CSMD1: variants seen among roughly 807,000 people sequenced by gnomAD.
CSMD1 encodes CUB and sushi domain-containing protein 1.
A neutral mutation model predicts 417.5 loss-of-function variants in CSMD1; 213 were observed. The ratio of observed to expected loss-of-function variants is 0.51; its 90% confidence interval spans 0.46 to 0.57. CSMD1 has a LOEUF of 0.57. CSMD1 is among the 20% of genes least tolerant of loss of function. CSMD1 has a pLI of 0.00. For missense variants in CSMD1, 6,923 were observed against 4,529.7 expected (o/e 1.53, Z -15.17); for synonymous variants, 2,862 against 1,736.8 (o/e 1.65, Z -16.11).
In CSMD1 at chr8:3,821,718, G is replaced by A. The variant is rs549871374; in HGVS notation, c.819-67676C>T. Among the ~76,000 whole-genome samples the A allele has an allele frequency of 2.6e-5, 4 of 152,246 alleles. No homozygotes were observed. The South Asian group carries it at 8.3e-4, about 32-fold the overall frequency. The stretch of plus-strand genomic sequence containing the variant: ...AACTGCTTGAACCCAGGAGCGGGAG[G>A]TTGCAGTGAGTTGAAATCGCACCAC... On this transcript the variant is annotated intron_variant, in intron 5 of 69. Coordinates refer to ENST00000635120, the MANE Select transcript of CSMD1 (RefSeq NM_033225.6).
In CSMD1 at chr8:3,181,629, C is replaced by G. The variant is rs567887484; in HGVS notation, c.5621-415G>C. ...CCTGTGGATAGTGATCTGACATATC[C>G]TTCAGAAGACGTTGCTTTTGACCCT... On this transcript the variant is annotated intron_variant, in intron 36 of 69. Coordinates refer to ENST00000635120, the MANE Select transcript of CSMD1 (RefSeq NM_033225.6). Among the ~76,000 whole-genome samples, 14 of 152,260 alleles carry G rather than the reference C, an allele frequency of 9.2e-5. No individual in the cohort carries two copies. In the East Asian group the frequency reaches 2.7e-3, roughly 29 times the overall value.
chr8:4,430,853 C>A (rs995527149), intron 2 of CSMD1, among the ~76,000 whole-genome samples: 3 of 152,092 alleles, frequency 2.0e-5, no homozygotes, highest in Non-Finnish European at 4.4e-5. Context: ...AGTGTTGTCC[C>A]CTCCACTCTT....
At chr8:3,343,221 T>A in intron 23 of CSMD1, 73 bp downstream of exon 23, 1 of 1,343,230 alleles carries the variant, frequency 7.4e-7, no homozygotes, top group Non-Finnish European at 1.0e-6. Context: ...TATTTAAAAC[T>A]TAATATAAGC....
At chr8:4,273,839 A>T (rs1212922005) in intron 3 of CSMD1, among the ~76,000 whole-genome samples, 1 of 152,156 alleles carries the variant, frequency 6.6e-6, no homozygotes, top group South Asian at 2.1e-4. Context: ...ATGGTTGTGA[A>T]GGTGAAATGA....
chr8:4,891,984 A>C (rs553724765), intron 1 of CSMD1, among the ~76,000 whole-genome samples: 1 of 152,214 alleles, frequency 6.6e-6, no homozygotes, highest in East Asian at 1.9e-4. Context: ...AAGAGGTAAG[A>C]CCAAAATAGC....
At chr8:4,262,950 G>A (rs1446671964) in intron 3 of CSMD1, among the ~76,000 whole-genome samples, 1 of 152,118 alleles carries the variant, frequency 6.6e-6, no homozygotes, top group Non-Finnish European at 1.5e-5. Context: ...GTTCAGCCAA[G>A]GAAACTGAGT....
chr8:3,841,600 G>A (rs180674905), intron 5 of CSMD1, among the ~76,000 whole-genome samples: 182 of 151,928 alleles, frequency 1.2e-3, no homozygotes, highest in African/African-American at 4.2e-3. Context: ...GCACTAGAAA[G>A]GATTTTAGAA....
intron 3 of CSMD1, among the ~76,000 whole-genome samples, chr8:4,039,601 T>A (rs1251575853): frequency 6.6e-6 from 1 of 152,122 alleles, no homozygotes; most frequent in Non-Finnish European, 1.5e-5. Context: ...AAAAGTCTCA[T>A]TCTCCAGGAT....
At chr8:4,470,056 G>A (rs925230801) in intron 2 of CSMD1, among the ~76,000 whole-genome samples, 2 of 151,896 alleles carry the variant, frequency 1.3e-5, no homozygotes, top group African/African-American at 4.8e-5. Context: ...ATTTTTAGTA[G>A]AGATGGGGTT....
chr8:3,922,639 T>G (rs1402622470), intron 5 of CSMD1, among the ~76,000 whole-genome samples: 2 of 152,170 alleles, frequency 1.3e-5, no homozygotes, highest in African/African-American at 4.8e-5. Flanking sequence ...AAATGTAAAT[T>G]TGGTCACATA....
At chr8:4,361,743 C>T (rs1163535884) in intron 3 of CSMD1, among the ~76,000 whole-genome samples, 1 of 151,618 alleles carries the variant, frequency 6.6e-6, no homozygotes, top group African/African-American at 2.4e-5. Flanking sequence ...ATCACGAGGT[C>T]AGGAGATCGA....
chr8:3,181,672 G>A (rs1183724533), intron 36 of CSMD1, among the ~76,000 whole-genome samples: 3 of 152,130 alleles, frequency 2.0e-5, no homozygotes, highest in East Asian at 3.9e-4. Context: ...TGCTCTTCCT[G>A]ATCCCTATGT....
intron 2 of CSMD1, among the ~76,000 whole-genome samples, chr8:4,536,672 T>C (rs984818909): frequency 6.6e-6 from 1 of 152,244 alleles, no homozygotes; most frequent in African/African-American, 2.4e-5. Context: ...TGTTATTTAT[T>C]TATACTTTTA....
At position 4,329,885 on chromosome 8, in the gene CSMD1, C is replaced by T. The variant is rs572845161; in HGVS notation, c.415+90068G>A. On this transcript the variant is annotated intron_variant, in intron 3 of 69. Transcript: ENST00000635120. ...ACACACACACACACAGACACACACACTCTTTCTCTCTTGTTCCTGCTCTGG... is the reference window on the plus strand; with the variant it reads ...ACACACACACACACAGACACACACATTCTTTCTCTCTTGTTCCTGCTCTGG... 2.0e-5 allele frequency among the ~76,000 whole-genome samples: 3 copies of T among 151,986 alleles called. No homozygotes were observed. In the South Asian group the frequency reaches 6.2e-4, roughly 32 times the overall value.
chr8:3,930,429 A>C (rs746022830), intron 5 of CSMD1, among the ~76,000 whole-genome samples: 1 of 150,688 alleles, frequency 6.6e-6, no homozygotes, highest in Non-Finnish European at 1.5e-5. Context: ...CATTAGGTCA[A>C]AGCCTGTTCT....
At chr8:4,929,083 A>C (rs899520133) in intron 1 of CSMD1, among the ~76,000 whole-genome samples, 3 of 152,118 alleles carry the variant, frequency 2.0e-5, no homozygotes, top group Non-Finnish European at 2.9e-5. Flanking sequence ...ACAACAACAA[A>C]AAAAGGCCTT....
chr8:4,363,975 T>A (rs1435399931), intron 3 of CSMD1, among the ~76,000 whole-genome samples: 3 of 152,120 alleles, frequency 2.0e-5, no homozygotes, highest in Non-Finnish European at 4.4e-5. Context: ...AGACCTACTT[T>A]TTGCTAGCAT....
chr8:4,718,960 C>T (rs1808865420), intron 1 of CSMD1, among the ~76,000 whole-genome samples: 1 of 151,544 alleles, frequency 6.6e-6, no homozygotes, highest in Non-Finnish European at 1.5e-5. Flanking sequence ...TGAGAACGTT[C>T]ATTATATATT....
At chr8:3,493,903 A>G (rs1018659706) in intron 10 of CSMD1, among the ~76,000 whole-genome samples, 177 bp from the exon 11 acceptor site, 2 of 152,340 alleles carry the variant, frequency 1.3e-5, no homozygotes, top group Non-Finnish European at 2.9e-5. Context: ...ATAGCCTGGC[A>G]TTATAGAATT....
Sources: gnomAD v4.1 joint callset for allele counts (sites outside exome capture counted in the v4.1 genomes callset) on GRCh38, gnomAD v4.1.1 for gene constraint, MANE v1.5 for transcripts, NCBI Gene and HGNC (gene_info 2026-07-23, HGNC 2026-07-21) for gene names.